EXOC4: variants seen among roughly 807,000 people sequenced by gnomAD.
EXOC4 encodes the protein exocyst complex component 4.
A neutral mutation model predicts 107.2 loss-of-function variants in EXOC4; 71 were observed. That is an observed-to-expected ratio of 0.66 (90% CI 0.55 to 0.81). The LOEUF is 0.81. Among genes scored for constraint, EXOC4 ranks in the 30% least tolerant of loss-of-function variants. EXOC4 has a pLI of 0.00. For missense variants in EXOC4, 1,108 were observed against 1,189.6 expected (o/e 0.93, Z 1.01); for synonymous variants, 456 against 441.2 (o/e 1.03, Z -0.42).
intron 12 of EXOC4, among the ~76,000 whole-genome samples, chr7:133,912,914 G>A (rs1799728299): frequency 6.6e-6 from 1 of 152,112 alleles, no homozygotes; most frequent in South Asian, 2.1e-4. Context: ...GTATGGCTTG[G>A]GCATCTGGTT....
intron 17 of EXOC4, among the ~76,000 whole-genome samples, chr7:134,014,386 G>T (rs1794847944): frequency 6.6e-6 from 1 of 152,206 alleles, no homozygotes; most frequent in Admixed American, 6.5e-5. Context: ...CTGGGCGACA[G>T]AGCGAGACTC....
intron 9 of EXOC4, among the ~76,000 whole-genome samples, chr7:133,560,773 C>T (rs1411665695): frequency 6.6e-6 from 1 of 152,024 alleles, no homozygotes; most frequent in Non-Finnish European, 1.5e-5. Context: ...AAAAAGTTTT[C>T]TTATAATCTT....
chr7:133,962,158 G>T (rs1349131274), intron 14 of EXOC4, among the ~76,000 whole-genome samples: 1 of 152,152 alleles, frequency 6.6e-6, no homozygotes, highest in Admixed American at 6.6e-5. Flanking sequence ...GCCAGATCTA[G>T]AACCCAGGTT....
chr7:133,755,290 ATAT>A (rs1795888548), intron 10 of EXOC4, among the ~76,000 whole-genome samples: 1 of 118,060 alleles, frequency 8.5e-6, no homozygotes. Context: ...TATTATATAC[ATAT>A]TATATATATT....
At chr7:133,565,005 G>T (rs1032951179) in intron 9 of EXOC4, among the ~76,000 whole-genome samples, 3 of 152,166 alleles carry the variant, frequency 2.0e-5, no homozygotes, top group African/African-American at 7.2e-5. Flanking sequence ...AATTGCGATA[G>T]AAATCGAATT....
At chr7:133,284,517 T>G (rs1794230610) in intron 2 of EXOC4, among the ~76,000 whole-genome samples, 1 of 152,120 alleles carries the variant, frequency 6.6e-6, no homozygotes, top group Admixed American at 6.5e-5. Context: ...CTTTGAGAGA[T>G]ATGTTTTATT....
chr7:133,495,574 T>G (rs1158654774), intron 9 of EXOC4, among the ~76,000 whole-genome samples: 2 of 152,206 alleles, frequency 1.3e-5, no homozygotes. Flanking sequence ...ACCTATTCTT[T>G]AAATAAATAG....
chr7:133,475,581 G>T, intron 8 of EXOC4, 108 bp downstream of exon 8: 1 of 971,596 alleles, frequency 1.0e-6, no homozygotes, highest in Non-Finnish European at 1.5e-6. Flanking sequence ...GTTGATTGAA[G>T]TAATTTAGAG....
chr7:133,465,199 A>C (rs1006831026), intron 7 of EXOC4, among the ~76,000 whole-genome samples: 1 of 152,138 alleles, frequency 6.6e-6, no homozygotes, highest in African/African-American at 2.4e-5. Flanking sequence ...AGCAATGTAA[A>C]TAGGTAGAAT....
At chr7:133,869,093 GT>G in intron 11 of EXOC4, among the ~76,000 whole-genome samples, 1 of 151,138 alleles carries the variant, frequency 6.6e-6, no homozygotes, top group Non-Finnish European at 1.5e-5. Flanking sequence ...CCAACTGAGA[GT>G]GTAACTTGTC....
chr7:133,765,625 A>G (rs1796120132), intron 10 of EXOC4, among the ~76,000 whole-genome samples: 1 of 152,010 alleles, frequency 6.6e-6, no homozygotes. Flanking sequence ...GTGATGTTAA[A>G]GTTTATACTT....
rs193018552 is a variant in EXOC4, at chr7:133,999,878, T to C, written c.2348+2245T>C. On this transcript the variant is annotated intron_variant, in intron 15 of 17. Transcript: ENST00000253861. Reference sequence around the variant, plus strand: ...TTTTGATACATCTTGGCAATACTCTTCTTAATACTGAACATGCTTTAGTCA... The same window carrying C: ...TTTTGATACATCTTGGCAATACTCTCCTTAATACTGAACATGCTTTAGTCA... Among the ~76,000 whole-genome samples the C allele has an allele frequency of 3.3e-4, 50 of 152,282 alleles. 1 individual carries two copies. Among genetic ancestry groups the C allele is most frequent in the Admixed American group, 2.8e-3 (43 of 15,298 alleles).
intron 7 of EXOC4, among the ~76,000 whole-genome samples, chr7:133,443,841 A>G (rs1367952150): frequency 6.6e-6 from 1 of 152,172 alleles, no homozygotes; most frequent in Non-Finnish European, 1.5e-5. Context: ...TGGCTTCTAT[A>G]CACAAAAAGC....
intron 7 of EXOC4, among the ~76,000 whole-genome samples, chr7:133,406,417 T>G (rs10247070): frequency 6.6e-6 from 1 of 152,208 alleles, no homozygotes; most frequent in Admixed American, 6.5e-5. Context: ...CAACCTAACT[T>G]ATATCCATTA....
intron 5 of EXOC4, among the ~76,000 whole-genome samples, chr7:133,333,435 GT>G (rs757343495): frequency 1.4e-5 from 2 of 147,978 alleles, no homozygotes; most frequent in African/African-American, 2.5e-5. Flanking sequence ...AGGAGATCTG[GT>G]TTTTTTTTTA....
At chr7:133,340,431 T>C (rs1795634104) in intron 5 of EXOC4, among the ~76,000 whole-genome samples, 1 of 151,790 alleles carries the variant, frequency 6.6e-6, no homozygotes, top group African/African-American at 2.4e-5. Flanking sequence ...TTCTTTTTTT[T>C]TTTTTTTTGA....
chr7:133,721,352 G>A (rs1192660897), intron 10 of EXOC4, among the ~76,000 whole-genome samples: 2 of 152,222 alleles, frequency 1.3e-5, no homozygotes, highest in Non-Finnish European at 2.9e-5. Flanking sequence ...CTTAGGGAAA[G>A]AGCTACGAAT....
intron 10 of EXOC4, among the ~76,000 whole-genome samples, chr7:133,693,949 C>G (rs1239193659): frequency 1.3e-5 from 2 of 152,082 alleles, no homozygotes; most frequent in Non-Finnish European, 2.9e-5. Context: ...AGAGTAACCC[C>G]TGGATGAACA....
chr7:133,753,953 A>C (rs1444486665), intron 10 of EXOC4, among the ~76,000 whole-genome samples: 1 of 152,236 alleles, frequency 6.6e-6, no homozygotes, highest in East Asian at 1.9e-4. Flanking sequence ...CTAATGTGCC[A>C]AAAATTCACA....
Sources: allele counts gnomAD v4.1 joint callset (sites outside exome capture counted in the v4.1 genomes callset), GRCh38; gene constraint gnomAD v4.1.1; transcripts MANE v1.5; gene names NCBI Gene and HGNC (gene_info 2026-07-23, HGNC 2026-07-21).